IL1RN: variants seen among roughly 807,000 people sequenced by gnomAD.
IL1RN encodes interleukin-1 receptor antagonist protein.
In IL1RN, 10 loss-of-function variants were observed where a neutral mutation model predicts 13.7. That is an observed-to-expected ratio of 0.73 (90% CI 0.45 to 1.24). IL1RN has a LOEUF of 1.24. Ranked by LOEUF, IL1RN falls within the 50% of genes most tolerant of loss-of-function variation. The pLI is 0.00. For missense variants in IL1RN, 213 were observed against 222.1 expected (o/e 0.96, Z 0.26); for synonymous variants, 102 against 82.7 (o/e 1.23, Z -1.27).
intron 3 of IL1RN, among the ~76,000 whole-genome samples, chr2:113,131,954 G>T (rs1399825389): frequency 2.0e-5 from 3 of 152,184 alleles, no homozygotes; most frequent in African/African-American, 4.8e-5. Flanking sequence ...AGTGGGGATG[G>T]CTAGGACATT....
At chr2:113,113,489 T>A (rs982883955), upstream of IL1RN, among the ~76,000 whole-genome samples, 4 of 152,084 alleles carry the variant, frequency 2.6e-5, no homozygotes, top group African/African-American at 9.7e-5. Context: ...GTTCTGGAGG[T>A]TTACTATTAA....
chr2:113,128,682 C>T (rs549948861), intron 1 of IL1RN, among the ~76,000 whole-genome samples: 1 of 152,174 alleles, frequency 6.6e-6, no homozygotes. Context: ...ATGCAAAGCA[C>T]TTTGGTTTGC....
chr2:113,102,338 C>T (rs2104415129), upstream of IL1RN, among the ~76,000 whole-genome samples: 1 of 152,250 alleles, frequency 6.6e-6, no homozygotes, highest in South Asian at 2.1e-4. Flanking sequence ...GTGTTAGGGC[C>T]CCACCCTTAT....
the IL1RN span, among the ~76,000 whole-genome samples, chr2:113,102,056 C>T: frequency 1.3e-5 from 2 of 152,328 alleles, no homozygotes; most frequent in South Asian, 2.1e-4. Flanking sequence ...TGTGAGCCAC[C>T]GTGCCCCGCC....
At chr2:113,130,759 G>A (rs1419151207) in intron 2 of IL1RN, among the ~76,000 whole-genome samples, 1 of 27,252 alleles carries the variant, frequency 3.7e-5, no homozygotes. Context: ...AGGAGACTCA[G>A]GCCTCTAGGA....
At chr2:113,119,648 C>T (rs890013639) in intron 1 of IL1RN, among the ~76,000 whole-genome samples, 1 of 152,110 alleles carries the variant, frequency 6.6e-6, no homozygotes, top group African/African-American at 2.4e-5. Flanking sequence ...AACCAGATAC[C>T]AATACATTGT....
At chr2:113,113,453 A>G (rs1407075183), upstream of IL1RN, among the ~76,000 whole-genome samples, 1 of 152,156 alleles carries the variant, frequency 6.6e-6, no homozygotes, top group Admixed American at 6.5e-5. Context: ...AAAGGGTACA[A>G]AGTTTCAGTT....
chr2:113,130,170 T>C (rs1162228221), intron 2 of IL1RN: 3 of 175,402 alleles, frequency 1.7e-5, no homozygotes, highest in African/African-American at 4.7e-5. Flanking sequence ...TGGGATGATA[T>C]CAACTGGACA....
In IL1RN at chr2:113,132,933, C is replaced by T. The variant is rs1687227436; in HGVS notation, c.*62C>T. On this transcript the variant is annotated 3_prime_UTR_variant, in exon 4 of 4. Transcript: ENST00000409930. ...CAAGGACTGCAGGGACTGCCAGTCC[C>T]CCTGCCCCAGGGCTCCCGGCTATGG... 9 of 1,523,136 alleles carry T rather than the reference C, an allele frequency of 5.9e-6. No homozygotes were observed. The South Asian group carries it at 7.9e-5, about 13-fold the overall frequency. The allele number at this position is 1,523,136 out of a possible 1,614,324, so 94.4% of individuals were successfully genotyped here. A position where few individuals can be genotyped will look rare whatever the true frequency, so the allele number is the denominator to read the frequency against.
upstream of IL1RN, among the ~76,000 whole-genome samples, chr2:113,107,742 A>G (rs1053321449): frequency 1.3e-5 from 2 of 152,168 alleles, no homozygotes; most frequent in African/African-American, 4.8e-5. Context: ...AAACCAAACC[A>G]AACCAAACCA....
intron 2 of IL1RN, among the ~76,000 whole-genome samples, chr2:113,121,048 T>TTCC (rs1441245198): frequency 0.021 from 1,237 of 57,778 alleles, 7 homozygotes; most frequent in Non-Finnish European, 0.042. Context: ...CTTCTTCCTC[T>TTCC]TCTTCTTCTT....
chr2:113,123,901 G>A (rs779283295), upstream of IL1RN, among the ~76,000 whole-genome samples: 83 of 152,198 alleles, frequency 5.5e-4, no homozygotes, highest in Non-Finnish European at 7.3e-4. Context: ...GCAATTAACC[G>A]ATGTTGAGAA....
intron 1 of IL1RN, among the ~76,000 whole-genome samples, chr2:113,112,812 C>T (rs915936340): frequency 6.6e-5 from 10 of 152,212 alleles, no homozygotes; most frequent in African/African-American, 2.4e-4. Context: ...CAAATACACA[C>T]CTACCTTGCT....
the IL1RN span, among the ~76,000 whole-genome samples, chr2:113,100,325 C>CAA: frequency 7.1e-4 from 56 of 78,564 alleles, no homozygotes; most frequent in Middle Eastern, 7.8e-3. Flanking sequence ...GACTCCGTCT[C>CAA]AAAAAAAAAA....
Position 113,133,269 on chromosome 2 carries a change from C to T in IL1RN, c.*398C>T, listed in dbSNP as rs55658011. 8.6e-5 allele frequency: 25 copies of T among 291,298 alleles called. No homozygotes were observed. The South Asian group carries it at 9.5e-4, about 11-fold the overall frequency. The allele number at this position is 291,298 out of a possible 1,614,324, so 18.0% of individuals were successfully genotyped here. On this transcript the variant is annotated 3_prime_UTR_variant, in exon 4 of 4. Transcript: ENST00000409930. ...GACCCCCAACCAAGTGGCTCCCACA[C>T]CCTGTTTTACAAAAAAGAAAAGACC... is the stretch of plus-strand genomic sequence containing the variant.
At chr2:113,124,510 A>G (rs1353499307), upstream of IL1RN, among the ~76,000 whole-genome samples, 1 of 152,114 alleles carries the variant, frequency 6.6e-6, no homozygotes, top group Non-Finnish European at 1.5e-5. Flanking sequence ...GATACAGAGC[A>G]GGAAGGCTGG....
At chr2:113,111,097 G>T (rs1275126776), upstream of IL1RN, 2 of 152,192 alleles carry the variant, frequency 1.3e-5, no homozygotes, top group African/African-American at 4.8e-5. Flanking sequence ...AATAAGCATT[G>T]TTTCTTACAT....
the IL1RN span, among the ~76,000 whole-genome samples, chr2:113,100,029 T>A: frequency 1.7e-4 from 23 of 133,226 alleles, no homozygotes; most frequent in African/African-American, 6.1e-4. Flanking sequence ...CCACCGCGAC[T>A]GGCCCCTCTT....
intron 1 of IL1RN, among the ~76,000 whole-genome samples, chr2:113,119,469 A>G (rs1477254049): frequency 6.6e-6 from 1 of 152,214 alleles, no homozygotes; most frequent in Admixed American, 6.5e-5. Context: ...TAATGAAATC[A>G]TGGAGAGGGG....
Sources: allele counts gnomAD v4.1 joint callset (sites outside exome capture counted in the v4.1 genomes callset), GRCh38; gene constraint gnomAD v4.1.1; transcripts MANE v1.5; gene names NCBI Gene and HGNC (gene_info 2026-07-23, HGNC 2026-07-21).